TXNDC11: variants seen among roughly 807,000 people sequenced by gnomAD.
TXNDC11 encodes thioredoxin domain-containing protein 11.
Under a neutral mutation model 78.0 loss-of-function variants are expected in TXNDC11, and 68 were observed. The observed-to-expected ratio is 0.87, with a 90% confidence interval of 0.72 to 1.07. The LOEUF (loss-of-function observed/expected upper bound fraction) is 1.07, where lower values mean the gene tolerates loss of function less well. Ranked by LOEUF, TXNDC11 falls within the 50% of genes least tolerant of loss-of-function variation. TXNDC11 has a pLI of 0.00. For missense variants in TXNDC11, 1,389 were observed against 1,221.8 expected, an observed-to-expected ratio of 1.14 and a Z score of -2.04; for synonymous variants, 571 against 495.2, an observed-to-expected ratio of 1.15 and a Z score of -2.03.
Position 11,730,764 on chromosome 16 carries a change from T to C in TXNDC11, c.580A>G (p.Ile194Val), listed in dbSNP as rs554678861. The C allele has an allele frequency of 1.8e-5, 29 of 1,600,860 alleles. No homozygotes were observed. The highest frequency in any genetic ancestry group is 8.9e-5 in the East Asian group (4 of 44,754). ...IYLYHRSFGP[I>V]EYKGPMSAVY... ...GCACTCATGGGGCCTTTGTATTCGA[T>C]TGGTCCAAAACTAGTACCAAAAAAT... is the stretch of plus-strand genomic sequence containing the variant. Residue 194 changes from isoleucine to valine, a missense_variant, in exon 4 of 12, where the codon ATC (isoleucine) becomes GTC (valine). Ile to Val is a conservative substitution (Grantham distance 29, BLOSUM62 3). Transcript: ENST00000283033.
intron 5 of TXNDC11, among the ~76,000 whole-genome samples, chr16:11,700,886 G>A (rs1257603727): frequency 6.6e-6 from 1 of 152,088 alleles, no homozygotes; most frequent in Non-Finnish European, 1.5e-5. Flanking sequence ...TGTTCTCTTT[G>A]TCTGGACACT....
At chr16:11,707,266 A>C (rs2051209289) in intron 5 of TXNDC11, among the ~76,000 whole-genome samples, 10 of 151,860 alleles carry the variant, frequency 6.6e-5, no homozygotes, top group Admixed American at 6.6e-4. Context: ...ATCTCTACTA[A>C]AAATTAGCCA....
chr16:11,708,906 A>G (rs929880006), intron 5 of TXNDC11, among the ~76,000 whole-genome samples: 4 of 152,266 alleles, frequency 2.6e-5, no homozygotes, highest in African/African-American at 9.6e-5. Flanking sequence ...ATTATTTTAA[A>G]AAGGGATTAA....
intron 5 of TXNDC11, 97 bp downstream of exon 5, chr16:11,721,480 C>G (rs116983106): frequency 0.014 from 9,460 of 658,832 alleles, 118 homozygotes; most frequent in Non-Finnish European, 0.018. Flanking sequence ...GAAAAGGAAT[C>G]AAGCAAATTA....
chr16:11,681,775 C>T (rs1402409503), intron 11 of TXNDC11, among the ~76,000 whole-genome samples: 1 of 152,220 alleles, frequency 6.6e-6, no homozygotes. Flanking sequence ...CTCGGTGGAG[C>T]AAGTGGCTCC....
intron 2 of TXNDC11, 60 bp from the exon 3 acceptor site, chr16:11,734,139 T>C: frequency 9.1e-7 from 1 of 1,102,228 alleles, no homozygotes; most frequent in East Asian, 2.5e-5. Flanking sequence ...GTTACCAAGA[T>C]TTAAAAGATG....
chr16:11,730,759 T>C lies in TXNDC11; in HGVS notation c.585A>G (p.Glu195=), dbSNP rs1436675520. ...YLYHRSFGPI[E]YKGPMSAVYI... ...AAACAGCACTCATGGGGCCTTTGTA[T>C]TCGATTGGTCCAAAACTAGTACCAA... is the stretch of plus-strand genomic sequence containing the variant. The change falls in exon 4 of 12, where the codon GAA becomes GAG. Residue 195 remains glutamate, a synonymous_variant. Coordinates refer to ENST00000283033, the MANE Select transcript of TXNDC11 (RefSeq NM_015914.7). The C allele has an allele frequency of 6.2e-7, 1 of 1,602,466 alleles. No individual in the cohort carries two copies. The highest frequency in any genetic ancestry group is 1.1e-5 in the South Asian group (1 of 88,858).
chr16:11,723,563 C>A (rs2051778652), intron 4 of TXNDC11, among the ~76,000 whole-genome samples: 1 of 150,908 alleles, frequency 6.6e-6, no homozygotes, highest in Non-Finnish European at 1.5e-5. Context: ...CCAGCCTGGG[C>A]AAAAGGGCAA....
chr16:11,715,029 T>C (rs1360392314), intron 5 of TXNDC11, among the ~76,000 whole-genome samples: 5 of 152,106 alleles, frequency 3.3e-5, no homozygotes, highest in Admixed American at 6.5e-5. Context: ...AGCGGGAGGA[T>C]TGCCTGAGCT....
intron 5 of TXNDC11, among the ~76,000 whole-genome samples, chr16:11,705,724 A>G (rs900426410): frequency 7.2e-5 from 11 of 152,254 alleles, no homozygotes; most frequent in African/African-American, 2.4e-4. Flanking sequence ...TTTTTCACAC[A>G]TAACAGAAAT....
intron 1 of TXNDC11, chr16:11,742,097 G>A (rs1346543681): frequency 4.4e-6 from 1 of 225,008 alleles, no homozygotes; most frequent in African/African-American, 2.3e-5. Context: ...ACTCTCGCAA[G>A]GTTGTGGATC....
At chr16:11,695,690 C>T (rs576233129) in intron 7 of TXNDC11, among the ~76,000 whole-genome samples, 60 of 152,224 alleles carry the variant, frequency 3.9e-4, no homozygotes, top group African/African-American at 9.9e-4. Context: ...GCCAGAAAAA[C>T]GTTCGTAATG....
Position 11,721,569 on chromosome 16 carries a change from T to C in TXNDC11, c.793+8A>G. 1 of 1,550,810 alleles carries C rather than the reference T, an allele frequency of 6.4e-7. No homozygotes were observed. Among genetic ancestry groups the C allele is most frequent in the Non-Finnish European group, 8.9e-7 (1 of 1,125,862 alleles). ...AGTAACAATGTCTTAATATGAATCA[T>C]TTTTTACCTTTCTTTAATGAATGTA... On this transcript the variant is annotated splice_region_variant and intron_variant, in intron 5 of 11. Coordinates refer to ENST00000283033, the MANE Select transcript of TXNDC11 (RefSeq NM_015914.7).
intron 1 of TXNDC11, among the ~76,000 whole-genome samples, chr16:11,739,480 A>T (rs541840071): frequency 8.5e-5 from 13 of 152,128 alleles, no homozygotes; most frequent in Non-Finnish European, 1.8e-4. Flanking sequence ...GCAGCATGCC[A>T]TAATTGCACC....
At chr16:11,692,591 T>G (rs2050751796) in intron 7 of TXNDC11, among the ~76,000 whole-genome samples, 1 of 152,076 alleles carries the variant, frequency 6.6e-6, no homozygotes, top group Admixed American at 6.5e-5. Context: ...CCCATGAAAT[T>G]GTGAAGAAAA....
intron 6 of TXNDC11, among the ~76,000 whole-genome samples, chr16:11,698,832 C>G (rs1056121476): frequency 1.3e-5 from 2 of 152,182 alleles, no homozygotes; most frequent in Admixed American, 6.5e-5. Flanking sequence ...CGGGCCTAGA[C>G]GAACACCAGG....
In TXNDC11 at chr16:11,734,087, G is replaced by A. The variant is rs1369046029; in HGVS notation, c.472-8C>T. On this transcript the variant is annotated splice_polypyrimidine_tract_variant and splice_region_variant and intron_variant, in intron 2 of 11. Transcript: ENST00000283033. ...AATTGCCACAAACAACACCTGCAGA[G>A]CCAAAAAAGGTTTTCAAATGACTAT... 1.9e-6 allele frequency: 3 copies of A among 1,571,720 alleles called. No individual in the cohort carries two copies. Among genetic ancestry groups the A allele is most frequent in the Admixed American group, 2.0e-5 (1 of 48,986 alleles).
intron 4 of TXNDC11, 109 bp downstream of exon 4, chr16:11,730,536 A>T: frequency 8.6e-7 from 1 of 1,157,474 alleles, no homozygotes; most frequent in Non-Finnish European, 1.2e-6. Context: ...ATGACCTTTT[A>T]CTTGCTGCAA....
Position 11,694,097 on chromosome 16 carries a change from C to CTTTTTT in TXNDC11, c.1108-2021_1108-2016dup, listed in dbSNP as rs535913245. On this transcript the variant is annotated intron_variant, in intron 7 of 11. Transcript: ENST00000283033. ...AGAAAGTATTCTGTCTACAGCAATG[C>CTTTTTT]TTTTTTTTTTTTTTTTTTTTTTTTT... 7.4e-4 allele frequency among the ~76,000 whole-genome samples: 63 copies of CTTTTTT among 85,688 alleles called. 11 individuals are homozygous for CTTTTTT. The highest frequency in any genetic ancestry group is 2.8e-3 in the African/African-American group (58 of 20,504). The allele number at this position is 85,688 out of a possible 152,430, so 56.2% of individuals were successfully genotyped here.
Sources: allele counts gnomAD v4.1 joint callset (sites outside exome capture counted in the v4.1 genomes callset), GRCh38; gene constraint gnomAD v4.1.1; transcripts MANE v1.5; gene names NCBI Gene and HGNC (gene_info 2026-07-23, HGNC 2026-07-21).